The following TTLL8 variants were observed in gnomAD, a reference collection of about 807,000 sequenced individuals.
TTLL8 encodes the protein protein monoglycylase TTLL8.
TTLL8 carries 65 observed loss-of-function variants against 77.8 expected under a neutral mutation model. The ratio of observed to expected loss-of-function variants is 0.84; its 90% confidence interval spans 0.68 to 1.03. TTLL8 has a LOEUF of 1.03. Ranked by LOEUF, TTLL8 falls within the 50% of genes least tolerant of loss-of-function variation. The probability of loss-of-function intolerance (pLI) is 0.00; values close to 1 mark genes in which losing one functional copy is unlikely to be tolerated. For missense variants in TTLL8, 910 were observed against 1,004.5 expected (o/e 0.91, Z 1.27); for synonymous variants, 402 against 422.8 (o/e 0.95, Z 0.60).
chr22:50,028,255 A>T (rs113017952), intron 12 of TTLL8, among the ~76,000 whole-genome samples: 3,451 of 152,310 alleles, frequency 0.023, 135 homozygotes, highest in African/African-American at 0.078. Context: ...CACTGGGCTA[A>T]GCCTCCAGCT....
intron 5 of TTLL8, 83 bp downstream of exon 7, chr22:50,045,773 T>C: frequency 7.9e-7 from 1 of 1,260,582 alleles, no homozygotes; most frequent in Admixed American, 2.5e-5. Context: ...CCCTGCCCCA[T>C]CAGTCTGTCT....
At chr22:50,052,030 G>A (rs1003249739) in intron 1 of TTLL8, among the ~76,000 whole-genome samples, 4 of 152,048 alleles carry the variant, frequency 2.6e-5, no homozygotes, top group African/African-American at 7.2e-5. Flanking sequence ...GCACCCATAC[G>A]AGACATCCGG....
chr22:50,029,406 A>AC (rs34192325), intron 12 of TTLL8, among the ~76,000 whole-genome samples: 8,376 of 61,492 alleles, frequency 0.14, 1,144 homozygotes, highest in South Asian at 0.45. Context: ...CATCCTGAAG[A>AC]CCCCACACAC....
chr22:50,025,438 G>A (rs981869969), intron 12 of TTLL8, among the ~76,000 whole-genome samples: 1 of 152,084 alleles, frequency 6.6e-6, no homozygotes. Flanking sequence ...TCGGGAGTTC[G>A]AGACCAGCCT....
At chr22:50,039,646 G>A (rs556794999) in intron 8 of TTLL8, among the ~76,000 whole-genome samples, 59 of 152,226 alleles carry the variant, frequency 3.9e-4, no homozygotes, top group African/African-American at 1.2e-3. Context: ...ATGTGCCAGC[G>A]TGGATGGACC....
chr22:50,042,605 GT>G (rs1324138157), intron 6 of TTLL8, among the ~76,000 whole-genome samples: 2 of 152,164 alleles, frequency 1.3e-5, no homozygotes, highest in South Asian at 2.1e-4. Flanking sequence ...GTATCTACAA[GT>G]TTTTTCTATA....
At chr22:50,049,398 C>T (rs2061431447) in intron 2 of TTLL8, 76 bp from the exon 5 acceptor site, 6 of 1,346,194 alleles carry the variant, frequency 4.5e-6, no homozygotes, top group Admixed American at 1.9e-5. Flanking sequence ...TTACCACAAC[C>T]GCAGGCAGGA....
chr22:50,034,435 A>T lies in TTLL8; in HGVS notation c.949T>A (p.Ser317Thr). 1 of 1,367,272 alleles carries T rather than the reference A, an allele frequency of 7.3e-7. No individual in the cohort carries two copies. The highest frequency in any genetic ancestry group is 9.8e-7 in the Non-Finnish European group (1 of 1,021,822). The allele number at this position is 1,367,272 out of a possible 1,614,324, so 84.7% of individuals were successfully genotyped here. A position where few individuals can be genotyped will look rare whatever the true frequency, so the allele number is the denominator to read the frequency against. ...TCAATGTCCGTCTGAGGGTTCACAG[A>T]CGTGATTCTATTCAGCAGAGCCTGG... The change falls in exon 9 of 14, where the codon TCT (serine) becomes ACT (threonine). Residue 317 changes from serine to threonine, a missense_variant. Coordinates refer to ENST00000266182, the Ensembl canonical transcript of TTLL8. This position sits in a 1 kb window ranked among gnomAD's most constrained non-coding sequence, Gnocchi z 4.1.
intron 10 of TTLL8, chr22:50,032,984 G>T: frequency 4.6e-6 from 1 of 219,232 alleles, no homozygotes; most frequent in Non-Finnish European, 7.8e-6. Flanking sequence ...ACAGAGCGTG[G>T]GGTGTAGGGC....
In TTLL8 at chr22:50,034,467, G is replaced by C; in HGVS notation, c.922-5C>G. ...TCTATTCAGCAGAGCCTGGCACTGC[G>C]AAAAGTAATTTCTTGAATTGGAGAT... is the stretch of plus-strand genomic sequence containing the variant. On this transcript the variant is annotated splice_region_variant and splice_polypyrimidine_tract_variant and intron_variant, in intron 8 of 13. Transcript: ENST00000266182. The surrounding 1 kb of genome is among the most constrained non-coding windows in gnomAD (Gnocchi z 4.1). The C allele has an allele frequency of 7.3e-7, 1 of 1,366,298 alleles. No homozygotes were observed. The highest frequency in any genetic ancestry group is 9.8e-7 in the Non-Finnish European group (1 of 1,021,572). The allele number at this position is 1,366,298 out of a possible 1,614,324, so 84.6% of individuals were successfully genotyped here.
At chr22:50,025,887 G>T (rs1193635416) in intron 12 of TTLL8, among the ~76,000 whole-genome samples, 1 of 152,152 alleles carries the variant, frequency 6.6e-6, no homozygotes, top group Non-Finnish European at 1.5e-5. Context: ...ACAATACCCA[G>T]TGTTGACCAG....
chr22:50,055,213 C>A (rs755209132), upstream of TTLL8: 1 of 1,285,292 alleles, frequency 7.8e-7, no homozygotes, highest in South Asian at 1.2e-5. Flanking sequence ...CCCTCCCCAC[C>A]GAGTCCCAAG....
intron 4 of TTLL8, 30 bp from the exon 7 acceptor site, chr22:50,046,000 G>A (rs1252861111): frequency 7.6e-7 from 1 of 1,322,596 alleles, no homozygotes; most frequent in South Asian, 1.2e-5. Context: ...TTAGGCAGGA[G>A]GGGCAGCTCA....
At chr22:50,019,573 G>T (rs1478469519) in intron 12 of TTLL8, among the ~76,000 whole-genome samples, 1 of 151,318 alleles carries the variant, frequency 6.6e-6, no homozygotes, top group Non-Finnish European at 1.5e-5. Context: ...AGGACACTCA[G>T]CCCTGTGGAA....
chr22:50,018,792 C>A lies in TTLL8; in HGVS notation c.2204-2230G>T, dbSNP rs1601900277. On this transcript the variant is annotated intron_variant, in intron 12 of 13. Coordinates refer to ENST00000266182, the Ensembl canonical transcript of TTLL8. ...CAGAGAATCTGACGCTGTCATGAAC[C>A]TGTGTGGAAAAGATATTGACAGACC... Among the ~76,000 whole-genome samples the A allele has an allele frequency of 6.6e-6, 1 of 152,194 alleles. No homozygotes were observed. The highest frequency in any genetic ancestry group is 2.1e-4 in the South Asian group (1 of 4,828).
intron 2 of TTLL8, among the ~76,000 whole-genome samples, chr22:50,049,571 G>A (rs749895778): frequency 1.0e-3 from 155 of 152,318 alleles, no homozygotes; most frequent in Non-Finnish European, 1.9e-3. Context: ...CAGGGCTTGG[G>A]GGCCCGGGAT....
At chr22:50,048,132 G>T (rs2061423778) in intron 3 of TTLL8, among the ~76,000 whole-genome samples, 1 of 151,762 alleles carries the variant, frequency 6.6e-6, no homozygotes, top group African/African-American at 2.4e-5. Context: ...GTGTGTGTGT[G>T]TGTGTGTGTG....
At chr22:50,049,411 GCGACTTTACTT>G (rs942088708) in intron 2 of TTLL8, 89 bp from the exon 5 acceptor site, 21 of 1,315,074 alleles carry the variant, frequency 1.6e-5, no homozygotes, top group East Asian at 1.4e-4. Flanking sequence ...AGGCAGGACA[GCGACTTTACTT>G]CCAGAAACCT....
exon 11 of TTLL8, chr22:50,032,083 A>T (rs1205073964): frequency 7.3e-7 from 1 of 1,363,834 alleles, no homozygotes; most frequent in South Asian, 1.1e-5. Context: ...GTACTTCTGG[A>T]CGGCGTTGTT....
Sources: gnomAD v4.1 joint callset for allele counts (sites outside exome capture counted in the v4.1 genomes callset) on GRCh38, gnomAD v4.1.1 for gene constraint, Gnocchi (gnomAD v3.1) non-coding constraint, MANE v1.5 for transcripts, NCBI Gene and HGNC (gene_info 2026-07-23, HGNC 2026-07-21) for gene names.